The following OLFM4 variants were observed in gnomAD, a reference collection of about 807,000 sequenced individuals.
The protein encoded by OLFM4 is olfactomedin 4.
Under a neutral mutation model 25.5 loss-of-function variants are expected in OLFM4, and 22 were observed. That is an observed-to-expected ratio of 0.86 (90% CI 0.62 to 1.23). The LOEUF (loss-of-function observed/expected upper bound fraction) is 1.23. OLFM4 is among the 50% of genes most tolerant of loss of function. The pLI is 0.00. For missense variants in OLFM4, 594 were observed against 619.4 expected, an observed-to-expected ratio of 0.96 and a Z score of 0.44; for synonymous variants, 255 against 237.7, an observed-to-expected ratio of 1.07 and a Z score of -0.67.
intron 4 of OLFM4, among the ~76,000 whole-genome samples, chr13:53,045,674 T>C (rs1954712124): frequency 6.6e-6 from 1 of 152,198 alleles, no homozygotes; most frequent in South Asian, 2.1e-4. Context: ...CTGCGCTCTC[T>C]GGGCCCCCTC....
chr13:53,038,378 C>T (rs1243709404), intron 2 of OLFM4, among the ~76,000 whole-genome samples: 10 of 152,084 alleles, frequency 6.6e-5, no homozygotes, highest in South Asian at 2.1e-4. Flanking sequence ...CATTGGTGAA[C>T]GTCATTGTAT....
At chr13:53,031,208 T>A (rs1435789119) in intron 1 of OLFM4, among the ~76,000 whole-genome samples, 1 of 152,368 alleles carries the variant, frequency 6.6e-6, no homozygotes, top group South Asian at 2.1e-4. Flanking sequence ...CCAACTTTTT[T>A]TTTATACTGG....
intron 1 of OLFM4, among the ~76,000 whole-genome samples, chr13:53,032,737 G>C (rs1427792508): frequency 6.8e-6 from 1 of 147,494 alleles, no homozygotes; most frequent in Non-Finnish European, 1.5e-5. Flanking sequence ...TTTTTTTTCT[G>C]CTCATCTTGA....
chr13:53,038,602 T>A (rs1339977465), intron 2 of OLFM4, among the ~76,000 whole-genome samples: 1 of 152,230 alleles, frequency 6.6e-6, no homozygotes, highest in Non-Finnish European at 1.5e-5. Flanking sequence ...CACTGTCATA[T>A]ATGCAGTCTG....
At chr13:53,038,984 C>T (rs954433957) in intron 2 of OLFM4, among the ~76,000 whole-genome samples, 1 of 152,194 alleles carries the variant, frequency 6.6e-6, no homozygotes, top group Non-Finnish European at 1.5e-5. Context: ...GAGTTTTTTC[C>T]TCAAATGGAT....
intron 2 of OLFM4, among the ~76,000 whole-genome samples, chr13:53,040,216 A>G (rs775071977): frequency 4.6e-5 from 7 of 152,244 alleles, no homozygotes; most frequent in Non-Finnish European, 8.8e-5. Context: ...ATCCACTTGG[A>G]TATTCCAATT....
chr13:53,038,711 C>T (rs1468089705), intron 2 of OLFM4, among the ~76,000 whole-genome samples: 1 of 152,190 alleles, frequency 6.6e-6, no homozygotes, highest in Non-Finnish European at 1.5e-5. Flanking sequence ...CTGGAGGCTC[C>T]CAGGCAGGCT....
intron 2 of OLFM4, among the ~76,000 whole-genome samples, chr13:53,037,690 G>T (rs1051342776): frequency 6.6e-6 from 1 of 152,146 alleles, no homozygotes; most frequent in African/African-American, 2.4e-5. Context: ...GAGTCTAGTT[G>T]GGTCTAGCTC....
rs1954703928 is a variant in OLFM4, at chr13:53,044,329, G to A, written c.730+1065G>A. ...ATCCTTTAGAGATATCAATGACACAGGGACCTTCTCTCTGCAGGTCCTGAG... is the reference window on the plus strand; with the variant it reads ...ATCCTTTAGAGATATCAATGACACAAGGACCTTCTCTCTGCAGGTCCTGAG... On this transcript the variant is annotated intron_variant, in intron 4 of 4. Coordinates refer to ENST00000219022, the MANE Select transcript of OLFM4 (RefSeq NM_006418.5). Among the ~76,000 whole-genome samples the A allele has an allele frequency of 2.6e-5, 4 of 152,166 alleles. No individual in the cohort carries two copies. In the South Asian group the frequency reaches 8.3e-4, roughly 32 times the overall value.
chr13:53,046,920 G>A (rs1954718719), intron 4 of OLFM4, among the ~76,000 whole-genome samples: 1 of 152,172 alleles, frequency 6.6e-6, no homozygotes, highest in Non-Finnish European at 1.5e-5. Flanking sequence ...TCCATACTAG[G>A]CTGCCTTCCA....
rs1390499506 is a variant in OLFM4 at position 53,028,893 on chromosome 13, A to T, written c.57A>T (p.Ala19=). 4 of 1,614,070 alleles carry T rather than the reference A, an allele frequency of 2.5e-6. No homozygotes were observed. The African/African-American group carries it at 4.0e-5, about 16-fold the overall frequency. The stretch of plus-strand genomic sequence containing the variant: ...TTCTGTTCTTCCTTGGCCAAGCTGC[A>T]GGGGATTTGGGGGATGTGGGACCTC... ...LALLFFLGQA[A]GDLGDVGPPI... Residue 19 remains alanine (A), a synonymous_variant, in exon 1 of 5, where the codon GCA becomes GCT. Transcript: ENST00000219022.
intron 2 of OLFM4, among the ~76,000 whole-genome samples, chr13:53,040,921 T>C (rs1346615811): frequency 6.6e-6 from 1 of 152,102 alleles, no homozygotes; most frequent in Admixed American, 6.5e-5. Context: ...AAAGCCATAG[T>C]AAGATACCAT....
At chr13:53,045,760 A>C (rs1566319792) in intron 4 of OLFM4, among the ~76,000 whole-genome samples, 1 of 152,188 alleles carries the variant, frequency 6.6e-6, no homozygotes, top group Non-Finnish European at 1.5e-5. Flanking sequence ...GTTCAATAAA[A>C]TATGCTTCCT....
At chr13:53,031,598 C>T (rs934122267) in intron 1 of OLFM4, among the ~76,000 whole-genome samples, 1 of 152,192 alleles carries the variant, frequency 6.6e-6, no homozygotes, top group Admixed American at 6.5e-5. Context: ...ATAGTTGGAA[C>T]TGCAACGAGT....
chr13:53,028,921 A>T lies in OLFM4; in HGVS notation c.85A>T (p.Ile29Phe). ...GGATTTGGGGGATGTGGGACCTCCA[A>T]TTCCCAGCCCCGGCTTCAGCTCTTT... ...AGDLGDVGPP[I>F]PSPGFSSFPG... The change falls in exon 1 of 5, where the codon ATT becomes TTT. Residue 29 changes from isoleucine to phenylalanine, a missense_variant. Transcript: ENST00000219022. 3 of 1,614,154 alleles carry T rather than the reference A, an allele frequency of 1.9e-6. No homozygotes were observed. Among genetic ancestry groups the T allele is most frequent in the Non-Finnish European group, 2.5e-6 (3 of 1,180,026 alleles).
At chr13:53,035,727 T>C (rs1297809877) in intron 2 of OLFM4, among the ~76,000 whole-genome samples, 3 of 152,224 alleles carry the variant, frequency 2.0e-5, no homozygotes, top group Non-Finnish European at 2.9e-5. Context: ...TCAAGACTAA[T>C]AGGTTTCTCA....
intron 4 of OLFM4, among the ~76,000 whole-genome samples, chr13:53,046,796 T>C (rs936743547): frequency 6.6e-6 from 1 of 152,230 alleles, no homozygotes; most frequent in Non-Finnish European, 1.5e-5. Flanking sequence ...AGAGTTGGTA[T>C]TATTTTTCTT....
chr13:53,041,884 G>T lies in OLFM4; in HGVS notation c.358-26G>T, dbSNP rs772598297. The T allele has an allele frequency of 6.4e-6, 10 of 1,570,100 alleles. No homozygotes were observed. In the Admixed American group the frequency reaches 8.4e-5, roughly 13 times the overall value. ...TGGTGTGATACTACTCAGGGAATTG[G>T]CTTGAACCTTTTGATTTTCTTTCAG... is the stretch of plus-strand genomic sequence containing the variant. On this transcript the variant is annotated intron_variant, in intron 2 of 4. Transcript: ENST00000219022.
chr13:53,035,520 C>T (rs967272317), intron 2 of OLFM4, among the ~76,000 whole-genome samples: 5 of 152,182 alleles, frequency 3.3e-5, no homozygotes, highest in Admixed American at 2.0e-4. Flanking sequence ...GGACTATAGT[C>T]ACCCTGTTGT....
Sources: allele counts gnomAD v4.1 joint callset (sites outside exome capture counted in the v4.1 genomes callset), GRCh38; gene constraint gnomAD v4.1.1; transcripts MANE v1.5; gene names NCBI Gene and HGNC (gene_info 2026-07-23, HGNC 2026-07-21).